Variants in TYW1 observed in about 807,000 individuals in gnomAD.
TYW1 encodes tRNA-yW synthesizing protein 1 homolog.
Under a neutral mutation model 96.2 loss-of-function variants are expected in TYW1, and 46 were observed. The ratio of observed to expected loss-of-function variants is 0.48; its 90% CI spans 0.38 to 0.61. The LOEUF is 0.61. Ranked by LOEUF, TYW1 falls within the 20% of genes least tolerant of loss-of-function variation. The pLI, the probability that TYW1 is intolerant of heterozygous loss-of-function variation, is 0.00. For missense variants in TYW1, 684 were observed against 909.6 expected, an observed-to-expected ratio of 0.75 and a Z score of 3.19; for synonymous variants, 274 against 323.0, an observed-to-expected ratio of 0.85 and a Z score of 1.63.
intron 9 of TYW1, among the ~76,000 whole-genome samples, chr7:67,062,646 T>A (rs1263216449): frequency 6.6e-6 from 1 of 151,928 alleles, no homozygotes; most frequent in Non-Finnish European, 1.5e-5. Context: ...CTGCAGCGAT[T>A]GAAAGGATGA....
At chr7:67,026,493 G>A (rs1207604127) in intron 7 of TYW1, among the ~76,000 whole-genome samples, 2 of 152,010 alleles carry the variant, frequency 1.3e-5, no homozygotes, top group Admixed American at 1.3e-4. Context: ...TTTAGGTAGA[G>A]TGACTCAGAA....
At chr7:67,117,642 A>G (rs766491939) in intron 13 of TYW1, 24 bp downstream of exon 13, 2 of 1,594,658 alleles carry the variant, frequency 1.3e-6, no homozygotes, top group Admixed American at 3.7e-5. Context: ...CATCTTAAAA[A>G]TAAATAAACA....
chr7:67,125,066 C>G (rs1015662618), intron 13 of TYW1, among the ~76,000 whole-genome samples: 1 of 152,156 alleles, frequency 6.6e-6, no homozygotes, highest in African/African-American at 2.4e-5. Context: ...CTCCTGACTT[C>G]AAGTGATCCA....
chr7:67,151,651 C>A (rs1798803366), intron 13 of TYW1, among the ~76,000 whole-genome samples: 2 of 152,174 alleles, frequency 1.3e-5, no homozygotes, highest in Admixed American at 1.3e-4. Flanking sequence ...ATTATTGTGT[C>A]AGATGGCAGA....
At chr7:67,056,520 T>C (rs1270099349) in intron 9 of TYW1, among the ~76,000 whole-genome samples, 1 of 151,782 alleles carries the variant, frequency 6.6e-6, no homozygotes, top group Non-Finnish European at 1.5e-5. Flanking sequence ...GAATTTCATA[T>C]GAGTGGAATC....
intron 13 of TYW1, 85 bp from the exon 14 acceptor site, chr7:67,183,041 G>A: frequency 1.7e-6 from 2 of 1,203,934 alleles, no homozygotes; most frequent in East Asian, 2.7e-5. Context: ...TGGGTTCTCT[G>A]GATTGAAAAA....
At chr7:67,162,130 A>C (rs1240835763) in intron 13 of TYW1, among the ~76,000 whole-genome samples, 5 of 151,802 alleles carry the variant, frequency 3.3e-5, no homozygotes, top group Admixed American at 2.0e-4. Context: ...CCCTGTCTCT[A>C]TTAAAAATAC....
In TYW1 at chr7:67,051,770, G is replaced by A. The variant is rs1307601939; in HGVS notation, c.1102+1704G>A. ...TTTCTAATTTAAGCTTACCTGTGGC[G>A]ACTCCAAGGACTTTTTGAACATCTC... On this transcript the variant is annotated intron_variant, in intron 8 of 15. Coordinates refer to ENST00000359626, the MANE Select transcript of TYW1 (RefSeq NM_018264.4). Among the ~76,000 whole-genome samples the A allele has an allele frequency of 1.0e-4, 15 of 147,188 alleles. No homozygotes were observed. In the Admixed American group the frequency reaches 1.0e-3, roughly 10 times the overall value.
chr7:67,032,219 T>A (rs1204965010), intron 7 of TYW1, among the ~76,000 whole-genome samples: 2 of 151,982 alleles, frequency 1.3e-5, no homozygotes, highest in African/African-American at 4.8e-5. Flanking sequence ...TTTTATTTTA[T>A]TTTTTTTGGA....
intron 15 of TYW1, among the ~76,000 whole-genome samples, chr7:67,230,467 CAAAAA>C (rs1241561093): frequency 6.6e-6 from 1 of 151,730 alleles, no homozygotes; most frequent in East Asian, 1.9e-4. Context: ...CAAAACAAAA[CAAAAA>C]AGCAGCAGTT....
intron 13 of TYW1, among the ~76,000 whole-genome samples, chr7:67,162,522 T>C (rs1309165281): frequency 1.3e-5 from 2 of 152,136 alleles, no homozygotes; most frequent in Middle Eastern, 3.2e-3. Flanking sequence ...TGCCCTATAT[T>C]CCTTTAAAAT....
intron 15 of TYW1, among the ~76,000 whole-genome samples, chr7:67,216,081 T>G (rs1196058776): frequency 2.6e-5 from 4 of 151,848 alleles, no homozygotes; most frequent in Non-Finnish European, 5.9e-5. Flanking sequence ...ATCTGTTCTT[T>G]TTCCTTTCTG....
Position 67,083,546 on chromosome 7 carries a change from A to T in TYW1, c.1384+7A>T. 6.2e-7 allele frequency: 1 copy of T among 1,614,012 alleles called. No individual in the cohort carries two copies. The highest frequency in any genetic ancestry group is 2.2e-5 in the East Asian group (1 of 44,880). ...ATGATTAAGCAGTTTAAAGGTATTTATCTTCCCTCTACAAAGGAATGCTAA... is the reference window on the plus strand; with the variant it reads ...ATGATTAAGCAGTTTAAAGGTATTTTTCTTCCCTCTACAAAGGAATGCTAA... On this transcript the variant is annotated splice_region_variant and intron_variant, in intron 11 of 15. Transcript: ENST00000359626.
intron 15 of TYW1, among the ~76,000 whole-genome samples, chr7:67,230,829 G>A (rs534872295): frequency 1.3e-5 from 2 of 151,498 alleles, no homozygotes; most frequent in South Asian, 2.1e-4. Context: ...TAGTAGAGGC[G>A]GGGTTTCACC....
chr7:67,078,542 T>C (rs1314544628), intron 10 of TYW1, among the ~76,000 whole-genome samples: 2 of 152,342 alleles, frequency 1.3e-5, no homozygotes, highest in East Asian at 3.9e-4. Context: ...GGTGGTTTGA[T>C]AGGGATTGCA....
intron 7 of TYW1, among the ~76,000 whole-genome samples, chr7:67,032,547 G>T (rs1794702428): frequency 6.6e-6 from 1 of 152,142 alleles, no homozygotes; most frequent in African/African-American, 2.4e-5. Flanking sequence ...CTTGAGCCTG[G>T]GAGGCAGAGG....
intron 8 of TYW1, among the ~76,000 whole-genome samples, chr7:67,051,815 G>T (rs1253921951): frequency 6.6e-6 from 1 of 151,480 alleles, no homozygotes; most frequent in Non-Finnish European, 1.5e-5. Context: ...AGGTTTGTTG[G>T]TGGTGAATTC....
At chr7:67,071,918 G>A (rs565347537) in intron 10 of TYW1, among the ~76,000 whole-genome samples, 26 of 151,554 alleles carry the variant, frequency 1.7e-4, no homozygotes, top group Admixed American at 1.2e-3. Flanking sequence ...CACCATACCC[G>A]GCCTGGAACA....
At chr7:67,034,080 C>A (rs998794517) in intron 7 of TYW1, among the ~76,000 whole-genome samples, 2 of 148,504 alleles carry the variant, frequency 1.3e-5, no homozygotes, top group Admixed American at 6.9e-5. Flanking sequence ...TTTGTAGTTT[C>A]ATTTAATTTA....
Sources: allele counts gnomAD v4.1 joint callset (sites outside exome capture counted in the v4.1 genomes callset), GRCh38; gene constraint gnomAD v4.1.1; transcripts MANE v1.5; gene names NCBI Gene and HGNC (gene_info 2026-07-23, HGNC 2026-07-21).